The following USP15 variants were observed in gnomAD, a reference collection of about 807,000 sequenced individuals.
USP15 encodes ubiquitin specific peptidase 15, also known as ubiquitin carboxyl-terminal hydrolase 15.
In USP15, 18 loss-of-function variants were observed where a neutral mutation model predicts 127.1. The ratio of observed to expected loss-of-function variants is 0.14; its 90% CI spans 0.10 to 0.21. The LOEUF (loss-of-function observed/expected upper bound fraction) is 0.21, where lower values mean the gene tolerates loss of function less well. Among genes scored for constraint, USP15 ranks in the 10% least tolerant of loss-of-function variants. The pLI is 1.00. For synonymous variants in USP15, 364 were observed against 393.7 expected, an observed-to-expected ratio of 0.92 and a Z score of 0.89; for missense variants, 805 against 1,159.9, an observed-to-expected ratio of 0.69 and a Z score of 4.44.
At chr12:62,267,368 T>C (rs1469670496) in intron 1 of USP15, 5 of 152,136 alleles carry the variant, frequency 3.3e-5, no homozygotes, top group Admixed American at 3.3e-4. Flanking sequence ...ATTAAAATTA[T>C]TTGAGGGAAG....
At chr12:62,302,666 G>T in intron 2 of USP15, 124 bp from the exon 3 acceptor site, 1 of 1,020,470 alleles carries the variant, frequency 9.8e-7, no homozygotes, top group Admixed American at 2.7e-5. Flanking sequence ...ATGTAAGGGA[G>T]CTGAATTGCT....
intron 11 of USP15, among the ~76,000 whole-genome samples, chr12:62,388,675 T>C (rs1422946561): frequency 6.6e-6 from 1 of 152,150 alleles, no homozygotes; most frequent in East Asian, 1.9e-4. Flanking sequence ...ATAAAGCATG[T>C]AGGGCCTGGA....
At chr12:62,385,282 G>T (rs920264221) in intron 11 of USP15, among the ~76,000 whole-genome samples, 1 of 151,786 alleles carries the variant, frequency 6.6e-6, no homozygotes. Flanking sequence ...TTAGAAGATT[G>T]TTTTCTGTAA....
At chr12:62,330,729 T>C (rs866540944) in intron 6 of USP15, among the ~76,000 whole-genome samples, 36 of 149,934 alleles carry the variant, frequency 2.4e-4, no homozygotes, top group African/African-American at 8.6e-4. Context: ...AAGACGACTC[T>C]GTGCAACATA....
chr12:62,383,823 T>A lies in USP15; in HGVS notation c.1090-17T>A. On this transcript the variant is annotated splice_polypyrimidine_tract_variant and intron_variant, in intron 9 of 21. Transcript: ENST00000280377. ...CCTGTTCCTAGAACTGATTTGATGGTTTTGCATTTCTTACAGACACAGGTA... is the reference window on the plus strand; with the variant it reads ...CCTGTTCCTAGAACTGATTTGATGGATTTGCATTTCTTACAGACACAGGTA... The A allele has an allele frequency of 6.2e-7, 1 of 1,608,104 alleles. No homozygotes were observed. The highest frequency in any genetic ancestry group is 8.5e-7 in the Non-Finnish European group (1 of 1,177,348).
chr12:62,348,567 C>T (rs1229455062), intron 6 of USP15, among the ~76,000 whole-genome samples: 2 of 152,100 alleles, frequency 1.3e-5, no homozygotes, highest in African/African-American at 4.8e-5. Flanking sequence ...CCTTTATGTA[C>T]TTAAATTATT....
chr12:62,365,191 C>T (rs1177433997), intron 8 of USP15, among the ~76,000 whole-genome samples: 1 of 152,156 alleles, frequency 6.6e-6, no homozygotes, highest in Non-Finnish European at 1.5e-5. Flanking sequence ...AAAAGCATTC[C>T]TATTTCTCCA....
At chr12:62,318,574 C>G (rs1350662253) in intron 4 of USP15, among the ~76,000 whole-genome samples, 1 of 152,068 alleles carries the variant, frequency 6.6e-6, no homozygotes, top group Admixed American at 6.6e-5. Flanking sequence ...CCCTCCTTTC[C>G]TTGGTGATTT....
intron 20 of USP15, among the ~76,000 whole-genome samples, chr12:62,399,780 T>TTA (rs1410258795): frequency 1.7e-4 from 26 of 152,288 alleles, no homozygotes; most frequent in African/African-American, 6.3e-4. Flanking sequence ...ACCAAACAAC[T>TTA]TAGAGTTTAA....
intron 7 of USP15, among the ~76,000 whole-genome samples, chr12:62,353,165 G>A (rs979633304): frequency 1.3e-5 from 2 of 152,026 alleles, no homozygotes; most frequent in African/African-American, 4.8e-5. Flanking sequence ...AGATATTAAA[G>A]TATCTTAAAT....
At chr12:62,337,025 TC>T (rs2137359466) in intron 6 of USP15, among the ~76,000 whole-genome samples, 1 of 152,348 alleles carries the variant, frequency 6.6e-6, no homozygotes, top group Non-Finnish European at 1.5e-5. Context: ...ATGCAGATCT[TC>T]CAAATGTTGA....
intron 3 of USP15, among the ~76,000 whole-genome samples, chr12:62,309,072 A>G (rs1301481292): frequency 6.6e-6 from 1 of 152,150 alleles, no homozygotes; most frequent in East Asian, 1.9e-4. Context: ...AAGAAGAAAC[A>G]TTATAATGTA....
intron 1 of USP15, among the ~76,000 whole-genome samples, chr12:62,262,227 T>C (rs2063085633): frequency 6.6e-6 from 1 of 151,946 alleles, no homozygotes; most frequent in South Asian, 2.1e-4. Flanking sequence ...AACGTGAGAC[T>C]CCATCTCAAA....
rs1018230278 is a variant in USP15, at chr12:62,371,040, ATC to A, written c.916-10448_916-10447del. On this transcript the variant is annotated intron_variant, in intron 8 of 21. Transcript: ENST00000280377. The stretch of plus-strand genomic sequence containing the variant: ...TCTTTTTTGTGAACTATCAAAATAT[ATC>A]TGTGTCATCTCTTTGTTCCATCATT... Among the ~76,000 whole-genome samples the A allele has an allele frequency of 3.3e-5, 5 of 152,154 alleles. No individual in the cohort carries two copies. The East Asian group carries it at 5.8e-4, about 18-fold the overall frequency.
intron 7 of USP15, among the ~76,000 whole-genome samples, chr12:62,350,523 A>G (rs1201850532): frequency 1.3e-5 from 2 of 152,238 alleles, no homozygotes; most frequent in South Asian, 2.1e-4. Flanking sequence ...CTTGTTACAA[A>G]TGATAAAGGA....
At chr12:62,303,019 A>G in intron 3 of USP15, 99 bp downstream of exon 3, 3 of 1,407,250 alleles carry the variant, frequency 2.1e-6, no homozygotes, top group Non-Finnish European at 2.9e-6. Flanking sequence ...CACTTATCTT[A>G]GAGAAAAAGC....
Position 62,392,376 on chromosome 12 carries a change from T to C in USP15, c.2409T>C (p.Ala803=). 6.3e-7 allele frequency: 1 copy of C among 1,591,348 alleles called. No individual in the cohort carries two copies. Among genetic ancestry groups the C allele is most frequent in the Non-Finnish European group, 8.5e-7 (1 of 1,171,508 alleles). ...ELFTTKEKLG[A]EDPWYCPNCK... is the part of the protein sequence containing the mutation. ...TTACAACAAAAGAAAAGCTAGGTGC[T>C]GAAGATCCCTGGTAAGAGACAAAAT... The change falls in exon 18 of 22, where the codon GCT becomes GCC. Residue 803 remains alanine (A), a synonymous_variant. Transcript: ENST00000280377.
At chr12:62,314,985 A>T in intron 4 of USP15, 69 bp downstream of exon 4, 1 of 1,366,976 alleles carries the variant, frequency 7.3e-7, no homozygotes, top group South Asian at 1.9e-5. Context: ...ATCTTTGTAT[A>T]TGCTACTTGG....
rs543203217 is a variant in USP15 at position 62,315,967 on chromosome 12, A to G, written c.475+1051A>G. Among the ~76,000 whole-genome samples the G allele has an allele frequency of 1.2e-4, 18 of 152,232 alleles. No homozygotes were observed. The South Asian group carries it at 2.9e-3, about 25-fold the overall frequency. On this transcript the variant is annotated intron_variant, in intron 4 of 21. Coordinates refer to ENST00000280377, the MANE Select transcript of USP15 (RefSeq NM_001252078.2). ...CCCTCTTCATTTAGCTAGAACATTT[A>G]TAAGTTCGAGATTAAGTTTCAATAA...
Sources: gnomAD v4.1 joint callset for allele counts (sites outside exome capture counted in the v4.1 genomes callset) on GRCh38, gnomAD v4.1.1 for gene constraint, MANE v1.5 for transcripts, NCBI Gene and HGNC (gene_info 2026-07-23, HGNC 2026-07-21) for gene names.